Variants in STRN3 observed in about 807,000 individuals in gnomAD.
The protein encoded by STRN3 is striatin 3.
In STRN3, 29 loss-of-function variants were observed where a neutral mutation model predicts 95.6. The observed-to-expected ratio is 0.30, with a 90% CI of 0.23 to 0.41. The LOEUF is 0.41. Ranked by LOEUF, STRN3 falls within the 10% of genes least tolerant of loss-of-function variation. The pLI, the probability that STRN3 is intolerant of heterozygous loss-of-function variation, is 1.00. For missense variants in STRN3, 890 were observed against 972.1 expected, an observed-to-expected ratio of 0.92 and a Z score of 1.12; for synonymous variants, 331 against 357.6, an observed-to-expected ratio of 0.93 and a Z score of 0.84.
At chr14:31,025,649 A>T in intron 1 of STRN3, 1 of 546,014 alleles carries the variant, frequency 1.8e-6, no homozygotes, top group Non-Finnish European at 3.2e-6. Context: ...CAGACGCCAT[A>T]CTAAAAGCCA....
chr14:31,025,256 G>A (rs945325878), intron 1 of STRN3: 1 of 152,758 alleles, frequency 6.5e-6, no homozygotes, highest in Non-Finnish European at 1.5e-5. Context: ...CACTAAGTAA[G>A]GAATAACTAC....
intron 13 of STRN3, among the ~76,000 whole-genome samples, chr14:30,907,575 GGTTCTTTCACTGAGTAT>G (rs930714465): frequency 6.6e-6 from 1 of 151,218 alleles, no homozygotes; most frequent in Non-Finnish European, 1.5e-5. Flanking sequence ...TTTGTGACTG[GGTTCTTTCACTGAGTAT>G]GTTTTCTTTT....
At chr14:30,994,819 A>T (rs1396569598) in intron 1 of STRN3, among the ~76,000 whole-genome samples, 2 of 152,236 alleles carry the variant, frequency 1.3e-5, no homozygotes, top group Admixed American at 6.5e-5. Context: ...ATTATGCGAC[A>T]TTAATGCCAC....
intron 1 of STRN3, among the ~76,000 whole-genome samples, chr14:31,001,284 C>T (rs758114570): frequency 2.0e-5 from 3 of 152,066 alleles, no homozygotes; most frequent in African/African-American, 4.8e-5. Flanking sequence ...TCCTGTAATG[C>T]CAGCACTTTG....
chr14:30,960,018 CA>C (rs1263006598), intron 1 of STRN3, among the ~76,000 whole-genome samples: 1 of 150,436 alleles, frequency 6.6e-6, no homozygotes, highest in African/African-American at 2.4e-5. Context: ...TAAAATTTAC[CA>C]AAAAAAAATT....
chr14:30,900,429 C>T (rs1469833358), intron 16 of STRN3, among the ~76,000 whole-genome samples: 11 of 19,204 alleles, frequency 5.7e-4, no homozygotes, highest in African/African-American at 2.1e-3. Context: ...TGTAACTCAA[C>T]GGGGGGTGTG....
At chr14:30,947,431 T>C (rs1339426877) in intron 4 of STRN3, among the ~76,000 whole-genome samples, 168 bp from the exon 5 acceptor site, 2 of 152,118 alleles carry the variant, frequency 1.3e-5, no homozygotes, top group East Asian at 1.9e-4. Flanking sequence ...CAATACCAAA[T>C]ACAAACCAAA....
intron 1 of STRN3, among the ~76,000 whole-genome samples, chr14:31,005,427 A>G (rs764059410): frequency 2.6e-5 from 4 of 152,388 alleles, no homozygotes; most frequent in Non-Finnish European, 5.9e-5. Context: ...GGCACCTTAC[A>G]TAAGGTAAAC....
intron 8 of STRN3, among the ~76,000 whole-genome samples, chr14:30,922,753 TTTAA>T (rs1896916272): frequency 1.3e-5 from 2 of 152,042 alleles, no homozygotes; most frequent in South Asian, 2.1e-4. Flanking sequence ...CACAGCTTTA[TTTAA>T]TTTATTTAAG....
At chr14:30,915,996 A>G (rs1320554846) in intron 9 of STRN3, among the ~76,000 whole-genome samples, 1 of 152,172 alleles carries the variant, frequency 6.6e-6, no homozygotes, top group Non-Finnish European at 1.5e-5. Flanking sequence ...ACACACATAT[A>G]TTTTATGACA....
intron 7 of STRN3, among the ~76,000 whole-genome samples, chr14:30,929,512 T>C (rs530679110): frequency 6.6e-6 from 1 of 152,286 alleles, no homozygotes; most frequent in East Asian, 1.9e-4. Context: ...AAACATTTAA[T>C]ATCAACAGTT....
chr14:31,008,639 T>C (rs1350674807), intron 1 of STRN3, among the ~76,000 whole-genome samples: 1 of 152,200 alleles, frequency 6.6e-6, no homozygotes, highest in African/African-American at 2.4e-5. Context: ...TCACAAGAGT[T>C]GAAAGTGGTT....
chr14:30,949,285 G>C (rs1879520328), intron 4 of STRN3, among the ~76,000 whole-genome samples: 2 of 152,016 alleles, frequency 1.3e-5, no homozygotes, highest in African/African-American at 4.8e-5. Context: ...TTTTTGAATG[G>C]TAAGAAACTA....
intron 13 of STRN3, among the ~76,000 whole-genome samples, chr14:30,907,278 T>C (rs577561770): frequency 2.3e-4 from 35 of 151,456 alleles, no homozygotes; most frequent in Non-Finnish European, 3.8e-4. Context: ...AAGAAACATA[T>C]GCTTTTTTTT....
intron 1 of STRN3, among the ~76,000 whole-genome samples, chr14:30,972,457 C>A (rs1880881800): frequency 6.6e-6 from 1 of 152,186 alleles, no homozygotes; most frequent in African/African-American, 2.4e-5. Flanking sequence ...ATTGTTCCAT[C>A]TGTAAGGGCG....
chr14:30,960,568 T>G (rs1020534850), intron 1 of STRN3, among the ~76,000 whole-genome samples: 5 of 152,082 alleles, frequency 3.3e-5, no homozygotes, highest in Non-Finnish European at 5.9e-5. Context: ...AATCCAAATG[T>G]GGGCTAAAAA....
At chr14:30,971,173 C>T (rs1009342920) in intron 1 of STRN3, among the ~76,000 whole-genome samples, 2 of 152,224 alleles carry the variant, frequency 1.3e-5, no homozygotes, top group Non-Finnish European at 2.9e-5. Context: ...TGTTCATCCC[C>T]GAGCAGATGT....
chr14:30,913,779 C>G (rs1433567742), intron 9 of STRN3, 122 bp from the exon 10 acceptor site: 2 of 1,206,886 alleles, frequency 1.7e-6, no homozygotes, highest in East Asian at 2.4e-5. Context: ...TTTTATTTTC[C>G]CACTTCTACT....
At chr14:30,942,755 C>T (rs140176875) in intron 5 of STRN3, among the ~76,000 whole-genome samples, 206 of 152,088 alleles carry the variant, frequency 1.4e-3, no homozygotes, top group African/African-American at 4.6e-3. Flanking sequence ...GCCACTCACT[C>T]GATAGCATCT....
Sources: gnomAD v4.1 joint callset for allele counts (sites outside exome capture counted in the v4.1 genomes callset) on GRCh38, gnomAD v4.1.1 for gene constraint, MANE v1.5 for transcripts, NCBI Gene and HGNC (gene_info 2026-07-23, HGNC 2026-07-21) for gene names.